Variants in UBE2V2 observed in about 807,000 individuals in gnomAD.
The protein encoded by UBE2V2 is ubiquitin-conjugating enzyme E2 variant 2.
Under a neutral mutation model 17.2 loss-of-function variants are expected in UBE2V2, and 9 were observed. The observed-to-expected ratio is 0.52, with a 90% CI of 0.32 to 0.91. The LOEUF is 0.91. Among genes scored for constraint, UBE2V2 ranks in the 40% least tolerant of loss-of-function variants. The pLI, the probability that UBE2V2 is intolerant of heterozygous loss-of-function variation, is 0.04. For missense variants in UBE2V2, 133 were observed against 182.6 expected, an observed-to-expected ratio of 0.73 and a Z score of 1.56; for synonymous variants, 61 against 57.5, an observed-to-expected ratio of 1.06 and a Z score of -0.28.
intron 1 of UBE2V2, among the ~76,000 whole-genome samples, chr8:48,021,304 CTT>C (rs1169402032): frequency 4.0e-5 from 5 of 125,952 alleles, no homozygotes; most frequent in South Asian, 2.6e-4. Flanking sequence ...GTCTCGAACC[CTT>C]TTTTTTTTTT....
chr8:48,055,419 T>C (rs1438470082), intron 3 of UBE2V2, among the ~76,000 whole-genome samples: 1 of 151,996 alleles, frequency 6.6e-6, no homozygotes. Context: ...CAGGCTGGTC[T>C]TGAACTCCTG....
chr8:48,060,906 A>G lies in UBE2V2; in HGVS notation c.*78A>G. 7.9e-7 allele frequency: 1 copy of G among 1,272,674 alleles called. No homozygotes were observed. Among genetic ancestry groups the G allele is most frequent in the Non-Finnish European group, 1.0e-6 (1 of 976,694 alleles). The allele number at this position is 1,272,674 out of a possible 1,614,324, so 78.8% of individuals were successfully genotyped here. ...TGTCTTGATTAAATATCACAATGCA[A>G]AATACACATTAAGTAAAAGAATTCC... On this transcript the variant is annotated 3_prime_UTR_variant, in exon 4 of 4. Coordinates refer to ENST00000523111, the MANE Select transcript of UBE2V2 (RefSeq NM_003350.3).
At chr8:48,008,946 T>C (rs950440431) in intron 1 of UBE2V2, among the ~76,000 whole-genome samples, 2 of 152,136 alleles carry the variant, frequency 1.3e-5, no homozygotes, top group Non-Finnish European at 2.9e-5. Flanking sequence ...TAGAGGACGA[T>C]TGCTCCTTAA....
chr8:47,997,509 A>G, the UBE2V2 span, among the ~76,000 whole-genome samples: 1 of 151,980 alleles, frequency 6.6e-6, no homozygotes, highest in Admixed American at 6.6e-5. Context: ...TCTCATCCAG[A>G]AGGAGGGTAG....
chr8:48,036,063 T>G (rs935058848), intron 1 of UBE2V2, among the ~76,000 whole-genome samples: 8 of 150,904 alleles, frequency 5.3e-5, no homozygotes, highest in African/African-American at 1.7e-4. Flanking sequence ...CAAGTGATCC[T>G]TCCATGTTAG....
intron 1 of UBE2V2, 186 bp downstream of exon 1, chr8:48,008,656 G>C (rs2091204042): frequency 1.2e-6 from 1 of 809,708 alleles, no homozygotes; most frequent in African/African-American, 1.8e-5. Flanking sequence ...CGGCCGTCGG[G>C]TTGGCGGGTC....
intron 3 of UBE2V2, among the ~76,000 whole-genome samples, chr8:48,058,748 G>C (rs922685239): frequency 2.6e-5 from 4 of 151,816 alleles, no homozygotes; most frequent in African/African-American, 4.8e-5. Flanking sequence ...AATTTATTGA[G>C]TATTTATATC....
chr8:48,055,400 T>C (rs937875703), intron 3 of UBE2V2, among the ~76,000 whole-genome samples: 10 of 151,712 alleles, frequency 6.6e-5, no homozygotes, highest in African/African-American at 2.4e-4. Flanking sequence ...GGGGTTTCAC[T>C]ATGTTGGCCA....
chr8:48,037,334 A>C (rs2091431422), intron 1 of UBE2V2, among the ~76,000 whole-genome samples: 1 of 152,258 alleles, frequency 6.6e-6, no homozygotes, highest in Non-Finnish European at 1.5e-5. Flanking sequence ...AGGTGGGGGA[A>C]GGAAGCAAAG....
At chr8:48,033,663 A>G (rs2154507394) in intron 1 of UBE2V2, among the ~76,000 whole-genome samples, 1 of 152,144 alleles carries the variant, frequency 6.6e-6, no homozygotes, top group Admixed American at 6.6e-5. Flanking sequence ...GCAAACTCTT[A>G]TTAAAAGTCC....
intron 1 of UBE2V2, among the ~76,000 whole-genome samples, chr8:48,038,580 G>C (rs1464119618): frequency 6.6e-6 from 1 of 152,000 alleles, no homozygotes. Context: ...CCAGGTTCAG[G>C]TGATTCTCCT....
chr8:47,999,950 T>C, the UBE2V2 span, among the ~76,000 whole-genome samples: 1 of 152,210 alleles, frequency 6.6e-6, no homozygotes, highest in Non-Finnish European at 1.5e-5. Flanking sequence ...GTAATCAGAA[T>C]GGAACAGAAC....
intron 3 of UBE2V2, among the ~76,000 whole-genome samples, chr8:48,054,879 C>T (rs535966905): frequency 1.3e-5 from 2 of 151,258 alleles, no homozygotes; most frequent in Non-Finnish European, 2.9e-5. Flanking sequence ...TTCTCATGCT[C>T]TTTACTGCGT....
intron 1 of UBE2V2, among the ~76,000 whole-genome samples, chr8:48,028,778 A>C (rs987917218): frequency 6.6e-6 from 1 of 152,062 alleles, no homozygotes; most frequent in Non-Finnish European, 1.5e-5. Context: ...GAGCTACTGC[A>C]CCCGACCCCT....
upstream of UBE2V2, among the ~76,000 whole-genome samples, chr8:48,007,575 T>G (rs2091192442): frequency 6.6e-6 from 1 of 151,432 alleles, no homozygotes; most frequent in Non-Finnish European, 1.5e-5. Context: ...AATCTTTTTT[T>G]TTTTTTTTTT....
chr8:48,047,637 A>G (rs967949424), intron 2 of UBE2V2, among the ~76,000 whole-genome samples: 2 of 151,446 alleles, frequency 1.3e-5, no homozygotes, highest in Non-Finnish European at 2.9e-5. Context: ...AGCTCACTGC[A>G]GTTGCCACCT....
intron 3 of UBE2V2, among the ~76,000 whole-genome samples, chr8:48,059,879 G>A (rs1802565182): frequency 6.6e-6 from 1 of 152,078 alleles, no homozygotes; most frequent in Admixed American, 6.6e-5. Flanking sequence ...GGCTTGCAAG[G>A]AGCTCCATCC....
chr8:48,027,887 G>C (rs780222348), intron 1 of UBE2V2, among the ~76,000 whole-genome samples: 23 of 151,676 alleles, frequency 1.5e-4, no homozygotes, highest in Non-Finnish European at 3.2e-4. Flanking sequence ...ACGGAGTCTC[G>C]CTCTCGCCCA....
chr8:48,058,040 G>C (rs539469466), intron 3 of UBE2V2, among the ~76,000 whole-genome samples: 20 of 152,270 alleles, frequency 1.3e-4, no homozygotes, highest in African/African-American at 4.8e-4. Flanking sequence ...TGGAAGTGAT[G>C]AGAACGGGGC....
Sources: gnomAD v4.1 joint callset for allele counts (sites outside exome capture counted in the v4.1 genomes callset) on GRCh38, gnomAD v4.1.1 for gene constraint, MANE v1.5 for transcripts, NCBI Gene and HGNC (gene_info 2026-07-23, HGNC 2026-07-21) for gene names.